Variants in ASTN2 observed in about 807,000 individuals in gnomAD.
ASTN2 encodes astrotactin 2, also known as astrotactin-2.
Under a neutral mutation model 139.8 loss-of-function variants are expected in ASTN2, and 54 were observed. That is an observed-to-expected ratio of 0.39 (90% CI 0.31 to 0.48). The LOEUF (loss-of-function observed/expected upper bound fraction) is 0.48. Ranked by LOEUF, ASTN2 falls within the 20% of genes least tolerant of loss-of-function variation. The pLI, the probability that ASTN2 is intolerant of heterozygous loss-of-function variation, is 0.95. For synonymous variants in ASTN2, 756 were observed against 719.5 expected (o/e 1.05, Z -0.81); for missense variants, 1,565 against 1,725.1 (o/e 0.91, Z 1.64).
At chr9:117,344,180 G>A (rs1564156775) in intron 1 of ASTN2, among the ~76,000 whole-genome samples, 1 of 135,946 alleles carries the variant, frequency 7.4e-6, no homozygotes, top group South Asian at 2.4e-4. Flanking sequence ...ACAAAAGCAC[G>A]TGGAGAAAAA....
intron 3 of ASTN2, among the ~76,000 whole-genome samples, chr9:117,141,716 C>T (rs1265684478): frequency 6.6e-6 from 1 of 152,198 alleles, no homozygotes; most frequent in East Asian, 1.9e-4. Context: ...TACTACGTTC[C>T]AGGTACTGCT....
intron 3 of ASTN2, among the ~76,000 whole-genome samples, chr9:117,176,858 G>T (rs554034815): frequency 3.9e-5 from 6 of 152,284 alleles, no homozygotes; most frequent in Non-Finnish European, 8.8e-5. Context: ...TTGAGCCTAT[G>T]AGTTGCAGTG....
At chr9:117,254,060 G>A (rs1833614965) in intron 2 of ASTN2, among the ~76,000 whole-genome samples, 1 of 152,126 alleles carries the variant, frequency 6.6e-6, no homozygotes, top group African/African-American at 2.4e-5. Flanking sequence ...GAAGGTGAAG[G>A]TTCCAACGCC....
chr9:117,013,281 T>C (rs1837583788), intron 6 of ASTN2, among the ~76,000 whole-genome samples: 1 of 152,118 alleles, frequency 6.6e-6, no homozygotes, highest in Non-Finnish European at 1.5e-5. Context: ...ATGTGTCTCA[T>C]GTTTTTCTAG....
At chr9:116,998,968 A>G (rs933077327) in intron 7 of ASTN2, among the ~76,000 whole-genome samples, 5 of 152,208 alleles carry the variant, frequency 3.3e-5, no homozygotes, top group Non-Finnish European at 7.3e-5. Context: ...CAATCTGTAA[A>G]CATTAGAAAT....
At chr9:116,619,688 A>ATTTTTTTT (rs766517097) in intron 18 of ASTN2, among the ~76,000 whole-genome samples, 1 of 74,308 alleles carries the variant, frequency 1.3e-5, no homozygotes, top group Non-Finnish European at 2.5e-5. Context: ...CACACGGGCT[A>ATTTTTTTT]TTTTTTTTTT....
chr9:117,401,615 C>G lies in ASTN2; in HGVS notation c.442+12882G>C, dbSNP rs569291254. On this transcript the variant is annotated intron_variant, in intron 1 of 22. Transcript: ENST00000313400. Reference sequence around the variant, plus strand: ...ACTGTGTAGAGCAGAGGTTGGCAAACGTTTTCTGTAAAGGGCCAGTTAATA... The same window carrying G: ...ACTGTGTAGAGCAGAGGTTGGCAAAGGTTTTCTGTAAAGGGCCAGTTAATA... 1.9e-4 allele frequency among the ~76,000 whole-genome samples: 29 copies of G among 151,364 alleles called. No individual in the cohort carries two copies. In the East Asian group the frequency reaches 5.5e-3, roughly 29 times the overall value.
intron 2 of ASTN2, among the ~76,000 whole-genome samples, chr9:117,254,868 T>C (rs1183954835): frequency 6.6e-6 from 1 of 152,234 alleles, no homozygotes; most frequent in African/African-American, 2.4e-5. Context: ...CATTCTATTT[T>C]TTATGCCCTC....
At chr9:117,129,127 T>C (rs1008021821) in intron 4 of ASTN2, among the ~76,000 whole-genome samples, 3 of 152,198 alleles carry the variant, frequency 2.0e-5, no homozygotes, top group Admixed American at 2.0e-4. Context: ...TCTTTCATTG[T>C]CATAATTTTT....
chr9:116,456,483 C>T lies in ASTN2; in HGVS notation c.3498-13930G>A, dbSNP rs191977366. ...AATACCAATGACATTTGTATTAGTCCATTTTCATGCTGCTGATAAGGACAT... is the reference window on the plus strand; with the variant it reads ...AATACCAATGACATTTGTATTAGTCTATTTTCATGCTGCTGATAAGGACAT... On this transcript the variant is annotated intron_variant, in intron 20 of 22. Coordinates refer to ENST00000313400, the MANE Select transcript of ASTN2 (RefSeq NM_001365068.1). Among the ~76,000 whole-genome samples, 10 of 152,158 alleles carry T rather than the reference C, an allele frequency of 6.6e-5. No homozygotes were observed. In the East Asian group the frequency reaches 1.7e-3, roughly 26 times the overall value.
intron 5 of ASTN2, among the ~76,000 whole-genome samples, chr9:117,081,341 C>A (rs1413227352): frequency 6.6e-6 from 1 of 152,106 alleles, no homozygotes; most frequent in African/African-American, 2.4e-5. Flanking sequence ...TACCCAGAAT[C>A]CATAAATAAG....
chr9:116,486,488 T>C (rs1249466731), intron 20 of ASTN2, among the ~76,000 whole-genome samples: 2 of 152,142 alleles, frequency 1.3e-5, no homozygotes, highest in Admixed American at 6.5e-5. Context: ...GGTAGACAGA[T>C]AGTTAAATGG....
intron 16 of ASTN2, chr9:116,697,526 T>C (rs1860924292): frequency 3.3e-6 from 2 of 605,688 alleles, no homozygotes; most frequent in South Asian, 3.9e-5. Flanking sequence ...ACGTGACATA[T>C]AATAGACCTC....
intron 17 of ASTN2, among the ~76,000 whole-genome samples, chr9:116,648,788 C>T (rs1250388839): frequency 6.6e-6 from 1 of 152,136 alleles, no homozygotes; most frequent in East Asian, 1.9e-4. Flanking sequence ...AATTCCAGCA[C>T]TTTGGGAGGC....
chr9:117,281,254 C>T (rs1052936292), intron 2 of ASTN2, among the ~76,000 whole-genome samples: 13 of 152,044 alleles, frequency 8.6e-5, no homozygotes, highest in African/African-American at 2.4e-4. Flanking sequence ...GTGGATCTCT[C>T]GCCTCATTTA....
chr9:117,202,132 G>T (rs1831745149), intron 3 of ASTN2, among the ~76,000 whole-genome samples: 1 of 152,154 alleles, frequency 6.6e-6, no homozygotes, highest in African/African-American at 2.4e-5. Flanking sequence ...TTGGTTTAAA[G>T]TCTGTTTTGT....
At chr9:116,847,837 C>T (rs1221856770) in intron 11 of ASTN2, among the ~76,000 whole-genome samples, 1 of 152,174 alleles carries the variant, frequency 6.6e-6, no homozygotes, top group African/African-American at 2.4e-5. Flanking sequence ...TTTCTAGCCT[C>T]ATGGAGAGAG....
At chr9:117,147,707 G>T (rs1830232526) in intron 3 of ASTN2, among the ~76,000 whole-genome samples, 1 of 152,128 alleles carries the variant, frequency 6.6e-6, no homozygotes, top group South Asian at 2.1e-4. Context: ...GGAAAGTTAA[G>T]TATTAATAAT....
At chr9:116,672,441 C>A (rs1383085311) in intron 16 of ASTN2, among the ~76,000 whole-genome samples, 1 of 152,006 alleles carries the variant, frequency 6.6e-6, no homozygotes, top group Non-Finnish European at 1.5e-5. Context: ...AGTTTTAAAC[C>A]CTTACATTTT....
Sources: allele counts gnomAD v4.1 joint callset (sites outside exome capture counted in the v4.1 genomes callset), GRCh38; gene constraint gnomAD v4.1.1; transcripts MANE v1.5; gene names NCBI Gene and HGNC (gene_info 2026-07-23, HGNC 2026-07-21).